OLFM4: variants seen among roughly 807,000 people sequenced by gnomAD.
OLFM4 encodes the protein olfactomedin-4.
A neutral mutation model predicts 25.5 loss-of-function variants in OLFM4; 22 were observed. That is an observed-to-expected ratio of 0.86 (90% CI 0.62 to 1.23). The LOEUF (loss-of-function observed/expected upper bound fraction) is 1.23, where lower values mean the gene tolerates loss of function less well. Ranked by LOEUF, OLFM4 falls within the 50% of genes most tolerant of loss-of-function variation. The pLI is 0.00. For missense variants in OLFM4, 594 were observed against 619.4 expected, an observed-to-expected ratio of 0.96 and a Z score of 0.44; for synonymous variants, 255 against 237.7, an observed-to-expected ratio of 1.07 and a Z score of -0.67.
rs1954743612 is a variant in OLFM4, at chr13:53,050,691, C to G, written c.1453C>G (p.Pro485Ala). The change falls in exon 5 of 5, where the codon CCT (proline) becomes GCT (alanine). Residue 485 changes from proline to alanine, a missense_variant. Transcript: ENST00000219022. ...QEKVQSINYN[P>A]FDQKLYVYND... ...AAAAGTGCAGAGCATTAACTATAAC[C>G]CTTTTGACCAGAAACTTTATGTCTA... 3.1e-6 allele frequency: 5 copies of G among 1,613,570 alleles called. No homozygotes were observed. The highest frequency in any genetic ancestry group is 1.1e-5 in the South Asian group (1 of 90,962).
At chr13:53,042,198 G>T in intron 3 of OLFM4, 76 bp downstream of exon 3, 1 of 1,219,674 alleles carries the variant, frequency 8.2e-7, no homozygotes, top group East Asian at 2.5e-5. Context: ...CTAGTACCAG[G>T]AAGTGAAACT....
rs1378243887 is a variant in OLFM4, at chr13:53,041,934, A to G, written c.382A>G (p.Ser128Gly). 6.8e-6 allele frequency: 11 copies of G among 1,613,566 alleles called. No homozygotes were observed. In the Admixed American group the frequency reaches 1.8e-4, roughly 27 times the overall value. ...GGTGAGGGAATATGTCCAATTAATTAGTGTGTATGAAAAGAAACTGTTAAA... is the reference window on the plus strand; with the variant it reads ...GGTGAGGGAATATGTCCAATTAATTGGTGTGTATGAAAAGAAACTGTTAAA... ...SKVREYVQLI[S>G]VYEKKLLNLT... is the part of the protein sequence containing the mutation. The change falls in exon 3 of 5, where the codon AGT (serine) becomes GGT (glycine). Residue 128 changes from serine (S) to glycine (G), a missense_variant. Transcript: ENST00000219022.
At chr13:53,029,637 C>T (rs1048049620) in intron 1 of OLFM4, among the ~76,000 whole-genome samples, 1 of 152,138 alleles carries the variant, frequency 6.6e-6, no homozygotes. Context: ...GGGGGAGTTA[C>T]TGGTCTTTAG....
At chr13:53,045,035 C>T (rs1305687528) in intron 4 of OLFM4, among the ~76,000 whole-genome samples, 3 of 152,184 alleles carry the variant, frequency 2.0e-5, no homozygotes, top group Non-Finnish European at 4.4e-5. Context: ...ATGGTAAGAA[C>T]GCTGCTTTTC....
At chr13:53,040,538 T>G (rs1305466095) in intron 2 of OLFM4, among the ~76,000 whole-genome samples, 1 of 152,230 alleles carries the variant, frequency 6.6e-6, no homozygotes. Flanking sequence ...AGAGCCATGT[T>G]TCTAAATGGA....
intron 4 of OLFM4, among the ~76,000 whole-genome samples, chr13:53,045,732 C>CT (rs1566319775): frequency 6.6e-6 from 1 of 152,174 alleles, no homozygotes; most frequent in African/African-American, 2.4e-5. Context: ...GAACTTAGAA[C>CT]AAGTGAATGT....
chr13:53,050,168 T>C lies in OLFM4; in HGVS notation c.930T>C (p.Asp310=), dbSNP rs1337741311. The part of the protein sequence containing the change: ...LEYYRLYNTL[D]DLLLYINARE... Reference sequence around the variant, plus strand: ...ATTATAGACTGTACAACACACTGGATGATTTGCTATTGTATATAAATGCTC... The same window carrying C: ...ATTATAGACTGTACAACACACTGGACGATTTGCTATTGTATATAAATGCTC... Residue 310 remains aspartate, a synonymous_variant, in exon 5 of 5, where the codon GAT becomes GAC. Coordinates refer to ENST00000219022, the MANE Select transcript of OLFM4 (RefSeq NM_006418.5). The C allele has an allele frequency of 1.9e-6, 3 of 1,614,004 alleles. No homozygotes were observed. The highest frequency in any genetic ancestry group is 2.5e-6 in the Non-Finnish European group (3 of 1,179,946).
Position 53,029,022 on chromosome 13 carries a change from C to CTTA in OLFM4, c.186_187insTTA (p.Ser62_Gly63insLeu). 6.2e-7 allele frequency: 1 copy of CTTA among 1,614,106 alleles called. No homozygotes were observed. Among genetic ancestry groups the CTTA allele is most frequent in the Non-Finnish European group, 8.5e-7 (1 of 1,180,032 alleles). On this transcript the variant is annotated inframe_insertion, in exon 1 of 5. Transcript: ENST00000219022. ...CCAGCTCCAGCCGCAGCTTAGGCAG[C>CTTA]GGAGGTTCTGTGTCCCAGGTGAGGA...
rs544833267 is a variant in OLFM4 at position 53,031,663 on chromosome 13, T to A, written c.204+2623T>A. 2.2e-3 allele frequency among the ~76,000 whole-genome samples: 341 copies of A among 152,370 alleles called. 2 individuals carry two copies. The Middle Eastern group carries it at 0.027, about 12-fold the overall frequency. On this transcript the variant is annotated intron_variant, in intron 1 of 4. Transcript: ENST00000219022. ...GCTGGTTTGAAAAAACAAGTAGGGC[T>A]TTCAGAGTGACAGTGGGCCTGATTC...
Position 53,050,614 on chromosome 13 carries a change from C to G in OLFM4, c.1376C>G (p.Thr459Arg). The G allele has an allele frequency of 6.2e-7, 1 of 1,613,996 alleles. No individual in the cohort carries two copies. Among genetic ancestry groups the G allele is most frequent in the Non-Finnish European group, 8.5e-7 (1 of 1,179,958 alleles). Residue 459 changes from threonine (T) to arginine (R), a missense_variant, in exon 5 of 5, where the codon ACA becomes AGA. Transcript: ENST00000219022. ...RTEEIFYYYD[T>R]NTGKEGKLDI... Reference sequence around the variant, plus strand: ...GAAGAGATTTTTTACTATTATGACACAAACACAGGGAAAGAGGGCAAACTA... The same window carrying G: ...GAAGAGATTTTTTACTATTATGACAGAAACACAGGGAAAGAGGGCAAACTA...
At chr13:53,043,331 A>G in intron 4 of OLFM4, 67 bp downstream of exon 4, 1 of 1,187,144 alleles carries the variant, frequency 8.4e-7, no homozygotes, top group Non-Finnish European at 1.1e-6. Context: ...GGGGTGGGGA[A>G]GGGATTGGGG....
At chr13:53,035,403 C>T (rs1954653321) in intron 2 of OLFM4, among the ~76,000 whole-genome samples, 1 of 152,034 alleles carries the variant, frequency 6.6e-6, no homozygotes, top group African/African-American at 2.4e-5. Context: ...GTAATAATCA[C>T]ATCATGGAAA....
intron 2 of OLFM4, among the ~76,000 whole-genome samples, chr13:53,037,440 T>C (rs899932627): frequency 3.9e-5 from 6 of 152,210 alleles, no homozygotes; most frequent in Non-Finnish European, 8.8e-5. Context: ...TAACATTGAT[T>C]GAGCCGTATT....
chr13:53,033,338 A>T (rs1267730792), intron 1 of OLFM4, among the ~76,000 whole-genome samples: 1 of 152,224 alleles, frequency 6.6e-6, no homozygotes, highest in African/African-American at 2.4e-5. Flanking sequence ...CTCATACGCT[A>T]TTCACTTTCT....
In OLFM4 at chr13:53,052,038, T is replaced by C. The variant is rs1954751851; in HGVS notation, c.*1267T>C. 6.6e-6 allele frequency: 1 copy of C among 152,190 alleles called. No individual in the cohort carries two copies. The highest frequency in any genetic ancestry group is 2.4e-5 in the African/African-American group (1 of 41,458). 9.4% of individuals were successfully genotyped at this position (152,190 alleles called of 1,614,324 possible). A position where few individuals can be genotyped will look rare whatever the true frequency, so the allele number is the denominator to read the frequency against. On this transcript the variant is annotated 3_prime_UTR_variant, in exon 5 of 5. Coordinates refer to ENST00000219022, the MANE Select transcript of OLFM4 (RefSeq NM_006418.5). ...TACTCCCCCTTTTAAAATAAATGAT[T>C]AAAATGTGCTTTGAAAAAAGTCATC...
intron 2 of OLFM4, among the ~76,000 whole-genome samples, chr13:53,039,281 G>A (rs1434004747): frequency 6.6e-6 from 1 of 152,156 alleles, no homozygotes; most frequent in Non-Finnish European, 1.5e-5. Flanking sequence ...TAATGGATTG[G>A]CACTTTATTT....
chr13:53,029,817 T>C (rs1954619443), intron 1 of OLFM4, among the ~76,000 whole-genome samples: 1 of 152,214 alleles, frequency 6.6e-6, no homozygotes, highest in South Asian at 2.1e-4. Flanking sequence ...CTAAGTGCAT[T>C]GAAGGCATAG....
intron 4 of OLFM4, among the ~76,000 whole-genome samples, chr13:53,049,533 T>C (rs1954733135): frequency 6.6e-6 from 1 of 152,276 alleles, no homozygotes; most frequent in South Asian, 2.1e-4. Context: ...TGTGGATTTA[T>C]AGAAATAGGG....
intron 2 of OLFM4, among the ~76,000 whole-genome samples, chr13:53,039,868 A>G (rs531961216): frequency 2.6e-4 from 39 of 152,164 alleles, no homozygotes; most frequent in Non-Finnish European, 1.5e-5. Context: ...TTTCATTAAA[A>G]TCCTTTTTGC....
Sources: gnomAD v4.1 joint callset for allele counts (sites outside exome capture counted in the v4.1 genomes callset) on GRCh38, gnomAD v4.1.1 for gene constraint, MANE v1.5 for transcripts, NCBI Gene and HGNC (gene_info 2026-07-23, HGNC 2026-07-21) for gene names.